AGAP1: variants seen among roughly 807,000 people sequenced by gnomAD.
The protein encoded by AGAP1 is arf-GAP with GTPase, ANK repeat and PH domain-containing protein 1.
Under a neutral mutation model 105.3 loss-of-function variants are expected in AGAP1, and 29 were observed. The ratio of observed to expected loss-of-function variants is 0.28; its 90% CI spans 0.21 to 0.38. The LOEUF (loss-of-function observed/expected upper bound fraction) is 0.38, where lower values mean the gene tolerates loss of function less well. AGAP1 is among the 10% of genes least tolerant of loss of function. The pLI is 1.00. For missense variants in AGAP1, 998 were observed against 1,165.1 expected, an observed-to-expected ratio of 0.86 and a Z score of 2.09; for synonymous variants, 509 against 485.9, an observed-to-expected ratio of 1.05 and a Z score of -0.63.
intron 9 of AGAP1, among the ~76,000 whole-genome samples, chr2:235,831,109 C>T (rs1031970869): frequency 7.9e-5 from 12 of 151,314 alleles, no homozygotes; most frequent in African/African-American, 2.9e-4. Flanking sequence ...CTGCTCTCTG[C>T]ACTGATGACA....
chr2:235,701,954 T>A lies in AGAP1; in HGVS notation c.164-7225T>A, dbSNP rs1950279898. ...AAAAATAAATGCTCCTCCCCTTTTC[T>A]GTGCTAAAAATAATAGTTAAAATCC... On this transcript the variant is annotated intron_variant, in intron 1 of 17. Transcript: ENST00000304032. The surrounding 1 kb of genome is among the most constrained non-coding windows in gnomAD (Gnocchi z 4.1). Among the ~76,000 whole-genome samples, 1 of 152,234 alleles carries A rather than the reference T, an allele frequency of 6.6e-6. No individual in the cohort carries two copies. The highest frequency in any genetic ancestry group is 1.5e-5 in the Non-Finnish European group (1 of 68,044).
At position 235,979,867 on chromosome 2, in the gene AGAP1, G is replaced by C. The variant is rs1201698446; in HGVS notation, c.1645+11244G>C. On this transcript the variant is annotated intron_variant, in intron 13 of 17. Transcript: ENST00000304032. This position sits in a 1 kb window ranked among gnomAD's most constrained non-coding sequence, Gnocchi z 4.5. ...TTTAGTTTTCTCTTAAGCTGATTTC[G>C]CTCTGCTTTTTCTTAAAAGTGCCTT... 6.6e-6 allele frequency among the ~76,000 whole-genome samples: 1 copy of C among 152,144 alleles called. No homozygotes were observed. The highest frequency in any genetic ancestry group is 2.4e-5 in the African/African-American group (1 of 41,418).
rs979198718 is a variant in AGAP1, at chr2:235,749,874, G to T, written c.539-480G>T. On this transcript the variant is annotated intron_variant, in intron 5 of 17. Transcript: ENST00000304032. ...ATTGTGTCTGTTTCAACAATTCACT[G>T]GGGTATCCCTGTGCATAGAACAGAA... is the stretch of plus-strand genomic sequence containing the variant. 3.3e-5 allele frequency among the ~76,000 whole-genome samples: 5 copies of T among 152,236 alleles called. No individual in the cohort carries two copies. The East Asian group carries it at 7.7e-4, about 24-fold the overall frequency.
intron 9 of AGAP1, among the ~76,000 whole-genome samples, chr2:235,815,701 G>C (rs890367916): frequency 6.6e-6 from 1 of 152,168 alleles, no homozygotes; most frequent in Non-Finnish European, 1.5e-5. Context: ...TACTTGAAGA[G>C]GCCGCATGCG....
At chr2:235,511,987 CGTGT>C (rs1393400908) in intron 1 of AGAP1, among the ~76,000 whole-genome samples, 86 of 115,096 alleles carry the variant, frequency 7.5e-4, no homozygotes, top group South Asian at 3.4e-3. Flanking sequence ...TGTGTGAATG[CGTGT>C]GTGAATGCGT....
At chr2:235,682,978 C>T (rs1405223359) in intron 1 of AGAP1, among the ~76,000 whole-genome samples, 2 of 152,070 alleles carry the variant, frequency 1.3e-5, no homozygotes, top group Non-Finnish European at 2.9e-5. Context: ...AAATCTTATT[C>T]TCCTGGAAAA....
In AGAP1 at chr2:236,120,744, T is replaced by G. The variant is rs1320541445; in HGVS notation, c.2370+297T>G. Among the ~76,000 whole-genome samples the G allele has an allele frequency of 1.3e-5, 2 of 152,130 alleles. No individual in the cohort carries two copies. Among genetic ancestry groups the G allele is most frequent in the Admixed American group, 6.5e-5 (1 of 15,284 alleles). On this transcript the variant is annotated intron_variant, in intron 17 of 17. Coordinates refer to ENST00000304032, the MANE Select transcript of AGAP1 (RefSeq NM_001037131.3). This position sits in a 1 kb window ranked among gnomAD's most constrained non-coding sequence, Gnocchi z 6.0. ...CCATCATCTTCTGGAGAGAAGGCGG[T>G]GTATTAACGGGATGGCTTGTAGGGT...
intron 1 of AGAP1, among the ~76,000 whole-genome samples, chr2:235,641,832 C>G (rs1947208032): frequency 6.6e-6 from 1 of 152,226 alleles, no homozygotes; most frequent in Admixed American, 6.5e-5. Flanking sequence ...TTGCTTTTCT[C>G]TGTGCACAGG....
At chr2:235,811,527 T>C (rs536209216) in intron 9 of AGAP1, among the ~76,000 whole-genome samples, 1 of 152,334 alleles carries the variant, frequency 6.6e-6, no homozygotes, top group African/African-American at 2.4e-5. Context: ...ATGCTTCCAT[T>C]TGGGAGTCTT....
rs999191840 is a variant in AGAP1 at position 236,042,569 on chromosome 2, A to G, written c.1891+1728A>G. ...AGAAATATTAGAACATCCATTAAGG[A>G]AAATGCCTGCAGTTGTTTCCACCGT... On this transcript the variant is annotated intron_variant, in intron 15 of 17. Transcript: ENST00000304032. The surrounding 1 kb of genome is among the most constrained non-coding windows in gnomAD (Gnocchi z 5.6). Among the ~76,000 whole-genome samples the G allele has an allele frequency of 1.3e-5, 2 of 152,206 alleles. No individual in the cohort carries two copies. The highest frequency in any genetic ancestry group is 2.9e-5 in the Non-Finnish European group (2 of 68,030).
chr2:235,494,905 G>T, intron 1 of AGAP1, 56 bp downstream of exon 1: 2 of 1,498,340 alleles, frequency 1.3e-6, no homozygotes, highest in East Asian at 2.9e-5. Context: ...GCGGCGCGGC[G>T]GGGGTGTGCG....
At chr2:235,630,041 T>C (rs577162997) in intron 1 of AGAP1, among the ~76,000 whole-genome samples, 110 of 151,476 alleles carry the variant, frequency 7.3e-4, no homozygotes, top group Non-Finnish European at 1.3e-3. Context: ...TTACATTTAA[T>C]TTTTTTTTCC....
intron 1 of AGAP1, among the ~76,000 whole-genome samples, chr2:235,545,150 A>G (rs1943582584): frequency 6.6e-6 from 1 of 152,174 alleles, no homozygotes; most frequent in Non-Finnish European, 1.5e-5. Context: ...TGGGCACCTT[A>G]CAAGTTATTC....
chr2:235,888,883 T>C lies in AGAP1; in HGVS notation c.1155+5434T>C, dbSNP rs116698122. Reference sequence around the variant, plus strand: ...CCCCAGCAGTGGGGAGCTCTGGCTTTCAGTTCCTTTGCACACTGTGGAAGC... The same window carrying C: ...CCCCAGCAGTGGGGAGCTCTGGCTTCCAGTTCCTTTGCACACTGTGGAAGC... On this transcript the variant is annotated intron_variant, in intron 10 of 17. Coordinates refer to ENST00000304032, the MANE Select transcript of AGAP1 (RefSeq NM_001037131.3). The surrounding 1 kb of genome is among the most constrained non-coding windows in gnomAD (Gnocchi z 4.8). Among the ~76,000 whole-genome samples the C allele has an allele frequency of 3.6e-3, 546 of 152,292 alleles. 3 individuals carry two copies. Among genetic ancestry groups the C allele is most frequent in the Non-Finnish European group, 5.4e-3 (367 of 68,032 alleles).
chr2:235,891,650 G>A lies in AGAP1; in HGVS notation c.1155+8201G>A, dbSNP rs2050548445. 6.6e-6 allele frequency among the ~76,000 whole-genome samples: 1 copy of A among 152,182 alleles called. No individual in the cohort carries two copies. Among genetic ancestry groups the A allele is most frequent in the Admixed American group, 6.5e-5 (1 of 15,286 alleles). The stretch of plus-strand genomic sequence containing the variant: ...TGCAATTCCCTGCTGACAAAGATGT[G>A]TGCAGTGAGATTCCTAAGTGGACCT... On this transcript the variant is annotated intron_variant, in intron 10 of 17. Coordinates refer to ENST00000304032, the MANE Select transcript of AGAP1 (RefSeq NM_001037131.3). The surrounding 1 kb of genome is among the most constrained non-coding windows in gnomAD (Gnocchi z 4.2).
At chr2:235,597,687 C>G (rs1439191059) in intron 1 of AGAP1, among the ~76,000 whole-genome samples, 2 of 152,046 alleles carry the variant, frequency 1.3e-5, no homozygotes, top group Non-Finnish European at 2.9e-5. Context: ...CGCTGGGGCC[C>G]TGTCTGTGTG....
intron 1 of AGAP1, among the ~76,000 whole-genome samples, chr2:235,532,129 A>C (rs574247972): frequency 3.6e-4 from 55 of 152,382 alleles, no homozygotes; most frequent in Non-Finnish European, 6.9e-4. Context: ...GGAAAACTAT[A>C]AAGAAGAAGA....
rs1012155715 is a variant in AGAP1, at chr2:235,596,935, T to C, written c.163+102086T>C. On this transcript the variant is annotated intron_variant, in intron 1 of 17. Coordinates refer to ENST00000304032, the MANE Select transcript of AGAP1 (RefSeq NM_001037131.3). The surrounding 1 kb of genome is among the most constrained non-coding windows in gnomAD (Gnocchi z 5.9). The stretch of plus-strand genomic sequence containing the variant: ...CCTATGAGGACATCATGAGGAGATA[T>C]GGCTTCTGCAGGAAGAGGCCTCACC... 5.9e-5 allele frequency among the ~76,000 whole-genome samples: 9 copies of C among 152,112 alleles called. No individual in the cohort carries two copies. In the South Asian group the frequency reaches 6.2e-4, roughly 11 times the overall value.
At chr2:235,912,750 C>G (rs2051679936) in intron 11 of AGAP1, among the ~76,000 whole-genome samples, 1 of 152,174 alleles carries the variant, frequency 6.6e-6, no homozygotes, top group Non-Finnish European at 1.5e-5. Flanking sequence ...AAAACTCTTC[C>G]CATCCATAGC....
Sources: allele counts gnomAD v4.1 joint callset (sites outside exome capture counted in the v4.1 genomes callset), GRCh38; gene constraint gnomAD v4.1.1; non-coding constraint Gnocchi (gnomAD v3.1); transcripts MANE v1.5; gene names NCBI Gene and HGNC (gene_info 2026-07-23, HGNC 2026-07-21).